The following CNTNAP3B variants were observed in gnomAD, a reference collection of about 807,000 sequenced individuals.
CNTNAP3B encodes the protein contactin-associated protein-like 3B.
In CNTNAP3B, 25 loss-of-function variants were observed where a neutral mutation model predicts 108.9. The observed-to-expected ratio is 0.23, with a 90% CI of 0.17 to 0.32. The LOEUF is 0.32. Ranked by LOEUF, CNTNAP3B falls within the 10% of genes least tolerant of loss-of-function variation. The pLI is 1.00. For synonymous variants in CNTNAP3B, 103 were observed against 473.4 expected (o/e 0.22, Z 10.16); for missense variants, 252 against 1,210.4 (o/e 0.21, Z 11.75).
At chr9:41,932,647 G>C (rs1397490282) in intron 14 of CNTNAP3B, among the ~76,000 whole-genome samples, 1 of 152,144 alleles carries the variant, frequency 6.6e-6, no homozygotes, top group African/African-American at 2.4e-5. Flanking sequence ...AGCCTCCAGA[G>C]TAGCTGGGAT....
At chr9:42,097,606 G>A (rs1185303685) in intron 2 of CNTNAP3B, among the ~76,000 whole-genome samples, 1 of 139,550 alleles carries the variant, frequency 7.2e-6, no homozygotes, top group Non-Finnish European at 1.5e-5. Flanking sequence ...AACTAAAAAT[G>A]CATTCACTGA....
At chr9:42,041,898 A>T (rs1376551968) in intron 3 of CNTNAP3B, among the ~76,000 whole-genome samples, 2 of 144,924 alleles carry the variant, frequency 1.4e-5, no homozygotes, top group Non-Finnish European at 3.0e-5. Context: ...ATGGAATACA[A>T]TGCAGCCATA....
intron 10 of CNTNAP3B, among the ~76,000 whole-genome samples, chr9:41,968,822 G>T (rs1436154722): frequency 2.0e-5 from 3 of 147,096 alleles, no homozygotes; most frequent in Non-Finnish European, 3.0e-5. Flanking sequence ...TTTTTGAGAA[G>T]AGTCTGGCTC....
intron 15 of CNTNAP3B, among the ~76,000 whole-genome samples, chr9:41,926,318 G>A (rs1222682026): frequency 6.6e-6 from 1 of 152,184 alleles, no homozygotes; most frequent in Non-Finnish European, 1.5e-5. Flanking sequence ...AGTCCCAGCT[G>A]CCCCAAAAGA....
At chr9:42,123,190 AC>A (rs1008973099) in intron 1 of CNTNAP3B, among the ~76,000 whole-genome samples, 1 of 108,382 alleles carries the variant, frequency 9.2e-6, no homozygotes, top group African/African-American at 3.8e-5. Context: ...TGACATTGAG[AC>A]AATGTTTCTT....
In CNTNAP3B at chr9:42,117,566, G is replaced by C. The variant is rs571197024; in HGVS notation, c.85+11444C>G. Among the ~76,000 whole-genome samples the C allele has an allele frequency of 2.2e-4, 31 of 139,592 alleles. 6 individuals carry two copies. The South Asian group carries it at 5.3e-3, about 24-fold the overall frequency. 91.6% of individuals were successfully genotyped at this position (139,592 alleles called of 152,430 possible). A position where few individuals can be genotyped will look rare whatever the true frequency, so the allele number is the denominator to read the frequency against. ...TTTATAGCACTAAATGCCCACAAAA[G>C]AAAGCAGGAAAGATCTAAAATTGAC... On this transcript the variant is annotated intron_variant, in intron 1 of 23. Transcript: ENST00000377561.
intron 6 of CNTNAP3B, among the ~76,000 whole-genome samples, chr9:41,997,239 C>G (rs1825915701): frequency 6.6e-6 from 1 of 151,322 alleles, no homozygotes; most frequent in African/African-American, 2.4e-5. Context: ...TCTGCATAGT[C>G]AAACAACAAG....
At position 42,129,112 on chromosome 9, in the gene CNTNAP3B, G is replaced by A. The variant is rs1199399394; in HGVS notation, c.-18C>T. The A allele has an allele frequency of 3.9e-5, 62 of 1,582,208 alleles. No homozygotes were observed. Among genetic ancestry groups the A allele is most frequent in the Admixed American group, 8.6e-5 (5 of 58,068 alleles). On this transcript the variant is annotated 5_prime_UTR_variant, in exon 1 of 24. Transcript: ENST00000377561. ...GAAGCCATGCTCACTTCAGCCAGGC[G>A]CCCTGAGACCCGGGCACGGCGACGG...
At chr9:41,962,962 A>C (rs1825149156) in intron 11 of CNTNAP3B, among the ~76,000 whole-genome samples, 1 of 150,066 alleles carries the variant, frequency 6.7e-6, no homozygotes, top group Non-Finnish European at 1.5e-5. Flanking sequence ...CTCAAAAAAC[A>C]AAAAACAAAC....
At chr9:41,931,198 G>T (rs1823968347) in intron 14 of CNTNAP3B, among the ~76,000 whole-genome samples, 2 of 152,252 alleles carry the variant, frequency 1.3e-5, no homozygotes, top group South Asian at 4.1e-4. Context: ...AAATTAAATT[G>T]GCATGTCAGA....
intron 18 of CNTNAP3B, among the ~76,000 whole-genome samples, chr9:41,913,677 G>A (rs1399215337): frequency 7.3e-6 from 1 of 137,332 alleles, no homozygotes; most frequent in East Asian, 2.0e-4. Context: ...ACTCTCCATT[G>A]CCCCCTCATC....
In CNTNAP3B at chr9:42,127,263, C is replaced by T. The variant is rs191204171; in HGVS notation, c.85+1747G>A. ...TCCGTTTGGAATATCTGTCCCTGCC[C>T]TCCCCTCCTCCAAAAAGAATGTTCA... On this transcript the variant is annotated intron_variant, in intron 1 of 23. Transcript: ENST00000377561. Among the ~76,000 whole-genome samples the T allele has an allele frequency of 2.5e-4, 35 of 138,868 alleles. 3 individuals are homozygous for T. The East Asian group carries it at 7.0e-3, about 28-fold the overall frequency. 91.1% of individuals were successfully genotyped at this position (138,868 alleles called of 152,430 possible). A position where few individuals can be genotyped will look rare whatever the true frequency, so the allele number is the denominator to read the frequency against.
chr9:42,120,458 C>A (rs1422899300), intron 1 of CNTNAP3B, among the ~76,000 whole-genome samples: 1 of 137,874 alleles, frequency 7.3e-6, no homozygotes, highest in East Asian at 2.2e-4. Flanking sequence ...TTTGACCCAG[C>A]CATCCCATTA....
At chr9:42,056,809 A>G (rs888150374) in intron 3 of CNTNAP3B, among the ~76,000 whole-genome samples, 1 of 96,020 alleles carries the variant, frequency 1.0e-5, no homozygotes, top group African/African-American at 4.8e-5. Flanking sequence ...CCATTTATAA[A>G]TTGATATCTT....
intron 10 of CNTNAP3B, among the ~76,000 whole-genome samples, chr9:41,967,914 C>T (rs563324177): frequency 0.027 from 4,083 of 148,510 alleles, 8 homozygotes; most frequent in Non-Finnish European, 0.044. Flanking sequence ...AAGTGTGGCT[C>T]ACACATTCAT....
In CNTNAP3B at chr9:42,038,178, C is replaced by T. The variant is rs563268582; in HGVS notation, c.391-24653G>A. The stretch of plus-strand genomic sequence containing the variant: ...TGGTACCAGCCACTGCAAAAATATG[C>T]CAAATTTTTAAGACCATTGATGCCA... On this transcript the variant is annotated intron_variant, in intron 3 of 23. Transcript: ENST00000377561. Among the ~76,000 whole-genome samples, 3 of 121,640 alleles carry T rather than the reference C, an allele frequency of 2.5e-5. No individual in the cohort carries two copies. The East Asian group carries it at 8.2e-4, about 33-fold the overall frequency. 79.8% of individuals were successfully genotyped at this position (121,640 alleles called of 152,430 possible).
At chr9:41,965,752 C>A (rs1587156517) in intron 10 of CNTNAP3B, among the ~76,000 whole-genome samples, 3 of 152,256 alleles carry the variant, frequency 2.0e-5, no homozygotes, top group South Asian at 2.1e-4. Flanking sequence ...TTGTGACAGG[C>A]CTCCTGGCTG....
intron 2 of CNTNAP3B, among the ~76,000 whole-genome samples, chr9:42,094,613 G>T (rs62558897): frequency 0.013 from 1,699 of 127,006 alleles, 166 homozygotes; most frequent in South Asian, 0.058. Context: ...CTGTGATCTT[G>T]CCACTGTACT....
At chr9:41,935,326 G>T (rs1824123407) in intron 14 of CNTNAP3B, among the ~76,000 whole-genome samples, 1 of 152,196 alleles carries the variant, frequency 6.6e-6, no homozygotes, top group East Asian at 1.9e-4. Flanking sequence ...AATACTGCCT[G>T]CCCCATTAAC....
Sources: gnomAD v4.1 joint callset for allele counts (sites outside exome capture counted in the v4.1 genomes callset) on GRCh38, gnomAD v4.1.1 for gene constraint, MANE v1.5 for transcripts, NCBI Gene and HGNC (gene_info 2026-07-23, HGNC 2026-07-21) for gene names.